Variants in MOCS2 observed in about 807,000 individuals in gnomAD.
MOCS2 encodes the protein molybdopterin synthase catalytic subunit.
MOCS2 carries 13 observed loss-of-function variants against 21.9 expected under a neutral mutation model. That is an observed-to-expected ratio of 0.59 (90% CI 0.39 to 0.94). MOCS2 has a LOEUF of 0.94. Among genes scored for constraint, MOCS2 ranks in the 40% least tolerant of loss-of-function variants. The pLI, the probability that MOCS2 is intolerant of heterozygous loss-of-function variation, is 0.00. For missense variants in MOCS2, 227 were observed against 218.3 expected (o/e 1.04, Z -0.25); for synonymous variants, 92 against 80.8 (o/e 1.14, Z -0.74).
At chr5:53,103,630 TATCA>T (rs1317416537) in intron 3 of MOCS2, among the ~76,000 whole-genome samples, 2 of 152,200 alleles carry the variant, frequency 1.3e-5, no homozygotes, top group Non-Finnish European at 2.9e-5. Context: ...AGGCACTAGA[TATCA>T]ATCAGGGGAG....
Position 53,102,209 on chromosome 5 carries a change from T to C in MOCS2, c.114A>G (p.Glu38=). The C allele has an allele frequency of 6.2e-7, 1 of 1,612,120 alleles. No homozygotes were observed. The highest frequency in any genetic ancestry group is 8.5e-7 in the Non-Finnish European group (1 of 1,178,538). Residue 38 remains glutamate, a synonymous_variant, in exon 4 of 7, where the codon GAA becomes GAG. Coordinates refer to ENST00000396954, the MANE Select transcript of MOCS2 (RefSeq NM_004531.5). ...AFEPSRKDMD[E]VEEKSKDVIN... ...TAACATCTTTAGATTTCTCTTCAAC[T>C]TCATCCATATCTTTCCTAGAAATAA...
chr5:53,107,303 T>C (rs1741078106), intron 2 of MOCS2, 82 bp from the exon 3 acceptor site: 4 of 1,269,580 alleles, frequency 3.2e-6, no homozygotes, highest in African/African-American at 1.5e-5. Context: ...AGATATTACA[T>C]AGATATAATT....
chr5:53,097,499 T>C lies in MOCS2; in HGVS notation c.*1103A>G, dbSNP rs1740777649. The C allele has an allele frequency of 6.6e-6, 1 of 152,196 alleles. No individual in the cohort carries two copies. The highest frequency in any genetic ancestry group is 1.5e-5 in the Non-Finnish European group (1 of 68,036). The allele number at this position is 152,196 out of a possible 1,614,324, so 9.4% of individuals were successfully genotyped here. On this transcript the variant is annotated 3_prime_UTR_variant, in exon 7 of 7. Coordinates refer to ENST00000396954, the MANE Select transcript of MOCS2 (RefSeq NM_004531.5). ...AATCTAAGTGTCTGAAAGTATAGCTTTTGTTCTTAATATGCATAATGCAAA... is the reference window on the plus strand; with the variant it reads ...AATCTAAGTGTCTGAAAGTATAGCTCTTGTTCTTAATATGCATAATGCAAA...
chr5:53,107,461 T>A, intron 2 of MOCS2: 1 of 481,318 alleles, frequency 2.1e-6, no homozygotes, highest in African/African-American at 1.9e-5. Flanking sequence ...CCTTGGGGAA[T>A]TAAACAACAA....
chr5:53,100,604 C>T, intron 5 of MOCS2, 70 bp from the exon 6 acceptor site: 1 of 1,546,166 alleles, frequency 6.5e-7, no homozygotes, highest in Non-Finnish European at 8.8e-7. Flanking sequence ...ATCTGCTAGA[C>T]AGATGAAAAA....
intron 3 of MOCS2, among the ~76,000 whole-genome samples, chr5:53,103,190 A>C (rs1163320523): frequency 1.3e-5 from 2 of 152,212 alleles, no homozygotes; most frequent in African/African-American, 2.4e-5. Context: ...ATGTGTATAA[A>C]TATTCATAAT....
chr5:53,103,163 A>G (rs1012388680), intron 3 of MOCS2, among the ~76,000 whole-genome samples: 3 of 152,190 alleles, frequency 2.0e-5, no homozygotes, highest in African/African-American at 7.2e-5. Context: ...AAGTGTAAAA[A>G]TTAACAAAAC....
At position 53,096,858 on chromosome 5, in the gene MOCS2, G is replaced by C. The variant is rs1267706471; in HGVS notation, c.*1744C>G. On this transcript the variant is annotated 3_prime_UTR_variant, in exon 7 of 7. Coordinates refer to ENST00000396954, the MANE Select transcript of MOCS2 (RefSeq NM_004531.5). Reference sequence around the variant, plus strand: ...TTAAAAACATCATTACCCTCAATAAGGAACTTCTAAAGAAATATCTAAGTA... The same window carrying C: ...TTAAAAACATCATTACCCTCAATAACGAACTTCTAAAGAAATATCTAAGTA... 1 of 152,126 alleles carries C rather than the reference G, an allele frequency of 6.6e-6. No homozygotes were observed. Among genetic ancestry groups the C allele is most frequent in the Non-Finnish European group, 1.5e-5 (1 of 68,016 alleles). 9.4% of individuals were successfully genotyped at this position (152,126 alleles called of 1,614,324 possible).
intron 3 of MOCS2, among the ~76,000 whole-genome samples, chr5:53,106,443 C>G (rs747065620): frequency 6.6e-6 from 1 of 152,090 alleles, no homozygotes; most frequent in African/African-American, 2.4e-5. Context: ...CCAACTAATG[C>G]GGGAACAGAA....
At chr5:53,102,619 T>C (rs768881299) in intron 3 of MOCS2, among the ~76,000 whole-genome samples, 1 of 139,528 alleles carries the variant, frequency 7.2e-6, no homozygotes, top group Non-Finnish European at 1.6e-5. Flanking sequence ...ATGGACTTTA[T>C]GGTTTCTTAG....
intron 6 of MOCS2, among the ~76,000 whole-genome samples, chr5:53,099,112 A>T (rs1740836397): frequency 6.6e-6 from 1 of 152,166 alleles, no homozygotes; most frequent in Admixed American, 6.5e-5. Context: ...TGTGGAAAGG[A>T]GGGGTAAGGA....
chr5:53,102,152 ATCTAC>A lies in MOCS2; in HGVS notation c.166_170del (p.Val56Ter). ...GAGAAATCACCAACTGTGAGACTTC[ATCTAC>A]TGAAAGTTTCTCGGCAGTAAAGTTT... On this transcript the variant is annotated frameshift_variant, in exon 4 of 7. Coordinates refer to ENST00000396954, the MANE Select transcript of MOCS2 (RefSeq NM_004531.5). LOFTEE classifies it high-confidence loss of function. 6.2e-7 allele frequency: 1 copy of A among 1,613,636 alleles called. No individual in the cohort carries two copies. Among genetic ancestry groups the A allele is most frequent in the Non-Finnish European group, 8.5e-7 (1 of 1,179,654 alleles).
At chr5:53,101,079 A>G in intron 5 of MOCS2, 1 of 485,662 alleles carries the variant, frequency 2.1e-6, no homozygotes, top group Non-Finnish European at 3.7e-6. Context: ...CGAGGCATTT[A>G]TATCAAAAAG....
chr5:53,100,154 A>C (rs575604108), intron 6 of MOCS2, among the ~76,000 whole-genome samples: 1 of 152,308 alleles, frequency 6.6e-6, no homozygotes, highest in East Asian at 1.9e-4. Context: ...AAGGAAAATA[A>C]CTTCATGTAT....
At chr5:53,105,926 C>T (rs1047957254) in intron 3 of MOCS2, among the ~76,000 whole-genome samples, 2 of 152,148 alleles carry the variant, frequency 1.3e-5, no homozygotes, top group Admixed American at 6.5e-5. Flanking sequence ...TGAACAGGAA[C>T]TTTTCAAAAG....
rs121908607 is a variant in MOCS2, at chr5:53,109,714, G to A, written c.-633C>T. The A allele has an allele frequency of 3.2e-6, 5 of 1,552,506 alleles. No homozygotes were observed. In the East Asian group the frequency reaches 9.8e-5, roughly 30 times the overall value. ...GCACGCACACCCGCCACCCTTACCT[G>A]GCACAGCGGCACCATCCCGCCTAGG... On this transcript the variant is annotated 5_prime_UTR_variant, in exon 1 of 7. An upstream open reading frame in the 5' UTR gains an earlier in-frame stop. Transcript: ENST00000396954.
chr5:53,102,186 A>G lies in MOCS2; in HGVS notation c.137T>C (p.Val46Ala), dbSNP rs767028102. Residue 46 changes from valine (V) to alanine (A), a missense_variant, in exon 4 of 7, where the codon GTT becomes GCT. Transcript: ENST00000396954. ...AAGTTTCTCGGCAGTAAAGTTTATAACATCTTTAGATTTCTCTTCAACTTC... is the reference window on the plus strand; with the variant it reads ...AAGTTTCTCGGCAGTAAAGTTTATAGCATCTTTAGATTTCTCTTCAACTTC... ...MDEVEEKSKD[V>A]INFTAEKLSV... 1.2e-6 allele frequency: 2 copies of G among 1,612,148 alleles called. No individual in the cohort carries two copies. The highest frequency in any genetic ancestry group is 1.7e-6 in the Non-Finnish European group (2 of 1,178,520).
In MOCS2 at chr5:53,109,556, G is replaced by GGGGCGA. The variant is rs1741149853; in HGVS notation, c.-476_-475insTCGCCC. On this transcript the variant is annotated 5_prime_UTR_variant, in exon 1 of 7. Coordinates refer to ENST00000396954, the MANE Select transcript of MOCS2 (RefSeq NM_004531.5). ...CGGAGACAGGAAGGGCCCGGGGGCGGGGGCGGGGGCGCCCCCGAACCCAAG... is the reference window on the plus strand; with the variant it reads ...CGGAGACAGGAAGGGCCCGGGGGCGGGGGCGAGGGCGGGGGCGCCCCCGAACCCAAG... 7.1e-6 allele frequency: 10 copies of GGGGCGA among 1,405,014 alleles called. No individual in the cohort carries two copies. Among genetic ancestry groups the GGGGCGA allele is most frequent in the Middle Eastern group, 2.6e-4 (1 of 3,876 alleles). The allele number at this position is 1,405,014 out of a possible 1,614,324, so 87.0% of individuals were successfully genotyped here.
At position 53,102,157 on chromosome 5, in the gene MOCS2, C is replaced by A; in HGVS notation, c.166G>T (p.Val56Leu). 6.2e-7 allele frequency: 1 copy of A among 1,613,290 alleles called. No homozygotes were observed. Among genetic ancestry groups the A allele is most frequent in the East Asian group, 2.2e-5 (1 of 44,866 alleles). ...VINFTAEKLS[V>L]DEVSQLVISP... Reference sequence around the variant, plus strand: ...ATCACCAACTGTGAGACTTCATCTACTGAAAGTTTCTCGGCAGTAAAGTTT... The same window carrying A: ...ATCACCAACTGTGAGACTTCATCTAATGAAAGTTTCTCGGCAGTAAAGTTT... Residue 56 changes from valine to leucine, a missense_variant, in exon 4 of 7, where the codon GTA (valine) becomes TTA (leucine). Transcript: ENST00000396954.
Sources: allele counts gnomAD v4.1 joint callset (sites outside exome capture counted in the v4.1 genomes callset), GRCh38; gene constraint gnomAD v4.1.1; transcripts MANE v1.5; gene names NCBI Gene and HGNC (gene_info 2026-07-23, HGNC 2026-07-21).